DPH6: variants seen among roughly 807,000 people sequenced by gnomAD.
DPH6 encodes diphthine--ammonia ligase.
DPH6 carries 33 observed loss-of-function variants against 38.2 expected under a neutral mutation model. The ratio of observed to expected loss-of-function variants is 0.86; its 90% CI spans 0.65 to 1.15. The LOEUF (loss-of-function observed/expected upper bound fraction) is 1.15, where lower values mean the gene tolerates loss of function less well. Ranked by LOEUF, DPH6 falls within the 50% of genes most tolerant of loss-of-function variation. DPH6 has a pLI of 0.00. For missense variants in DPH6, 325 were observed against 320.0 expected (o/e 1.02, Z -0.12); for synonymous variants, 108 against 103.0 (o/e 1.05, Z -0.30).
chr15:35,150,463 C>A, the DPH6 span, among the ~76,000 whole-genome samples: 1 of 152,138 alleles, frequency 6.6e-6, no homozygotes, highest in African/African-American at 2.4e-5. Flanking sequence ...TAGTGATGTA[C>A]AGAACAACTC....
the DPH6 span, among the ~76,000 whole-genome samples, chr15:35,153,019 T>G: frequency 2.0e-5 from 3 of 152,220 alleles, no homozygotes; most frequent in African/African-American, 7.2e-5. Context: ...GGTCAGTTTT[T>G]GTATGAAGCA....
chr15:35,210,076 C>T, the DPH6 span, among the ~76,000 whole-genome samples: 1 of 152,134 alleles, frequency 6.6e-6, no homozygotes, highest in Non-Finnish European at 1.5e-5. Flanking sequence ...CAGGGTATGG[C>T]TTAAGGACAG....
At chr15:35,538,191 T>C in intron 3 of DPH6, 83 bp downstream of exon 3, 1 of 1,243,208 alleles carries the variant, frequency 8.0e-7, no homozygotes, top group Non-Finnish European at 1.1e-6. Context: ...AATTGCAAAT[T>C]ACGGATTACT....
rs61019026 is a variant in DPH6 at position 35,495,082 on chromosome 15, A to G, written c.313-40262T>C. 3.1e-3 allele frequency among the ~76,000 whole-genome samples: 468 copies of G among 152,270 alleles called. 3 individuals carry two copies. In the East Asian group the frequency reaches 0.034, roughly 11 times the overall value. ...TTGTATTCCTATATGTCACCAATAT[A>G]ATTTGATAGTATTATGTTACAGGTT... On this transcript the variant is annotated intron_variant, in intron 3 of 8. Transcript: ENST00000256538.
intron 3 of DPH6, chr15:35,299,431 A>T (rs928444285): frequency 1.3e-6 from 1 of 782,934 alleles, no homozygotes; most frequent in Admixed American, 1.7e-5. Context: ...CTCTGATCGT[A>T]CAGGGACATC....
At chr15:35,237,209 G>C (rs79622346) in intron 3 of DPH6, 2 of 848,548 alleles carry the variant, frequency 2.4e-6, no homozygotes, top group Non-Finnish European at 3.9e-6. Flanking sequence ...GTGTGCCGGG[G>C]GTGCTGGGGG....
chr15:35,328,623 A>G (rs2052303684), downstream of DPH6, among the ~76,000 whole-genome samples: 1 of 152,220 alleles, frequency 6.6e-6, no homozygotes, highest in South Asian at 2.1e-4. Flanking sequence ...TTATCCAAAA[A>G]GATAATGTGA....
At chr15:35,473,533 C>T (rs1163976506) in intron 3 of DPH6, among the ~76,000 whole-genome samples, 2 of 152,070 alleles carry the variant, frequency 1.3e-5, no homozygotes, top group African/African-American at 4.8e-5. Flanking sequence ...AAAAATCAGA[C>T]TGTCTTTTTC....
chr15:35,420,260 GAACAC>G lies in DPH6; in HGVS notation c.506-9369_506-9365del, dbSNP rs775539038. ...AAACATCTTGAGACAAAAAAAATGCGAACACAATATCCCAAAATTTATGGGATGCA... is the reference window on the plus strand; with the variant it reads ...AAACATCTTGAGACAAAAAAAATGCGAATATCCCAAAATTTATGGGATGCA... On this transcript the variant is annotated intron_variant, in intron 5 of 8. Coordinates refer to ENST00000256538, the MANE Select transcript of DPH6 (RefSeq NM_080650.4). Among the ~76,000 whole-genome samples, 10 of 152,036 alleles carry G rather than the reference GAACAC, an allele frequency of 6.6e-5. No homozygotes were observed. In the East Asian group the frequency reaches 1.5e-3, roughly 24 times the overall value.
chr15:35,318,870 T>C (rs961344538), intron 3 of DPH6, among the ~76,000 whole-genome samples: 6 of 152,178 alleles, frequency 3.9e-5, no homozygotes, highest in African/African-American at 9.6e-5. Flanking sequence ...GATTTTTACA[T>C]AGGATTGTAA....
chr15:35,530,299 T>C (rs955441383), intron 3 of DPH6, among the ~76,000 whole-genome samples: 2 of 151,746 alleles, frequency 1.3e-5, no homozygotes, highest in African/African-American at 4.8e-5. Context: ...AATGGTAGCA[T>C]AGGAAAAACA....
At chr15:35,190,071 A>C in the DPH6 span, among the ~76,000 whole-genome samples, 1 of 152,034 alleles carries the variant, frequency 6.6e-6, no homozygotes, top group East Asian at 1.9e-4. Flanking sequence ...TGCTGGAATA[A>C]AATTTCAGGG....
intron 3 of DPH6, among the ~76,000 whole-genome samples, chr15:35,231,919 G>C (rs2051520794): frequency 6.6e-6 from 1 of 152,108 alleles, no homozygotes; most frequent in African/African-American, 2.4e-5. Flanking sequence ...ACCACGGGTA[G>C]GCACCAAGCT....
chr15:35,190,033 C>G, the DPH6 span, among the ~76,000 whole-genome samples: 1 of 152,046 alleles, frequency 6.6e-6, no homozygotes, highest in African/African-American at 2.4e-5. Context: ...AGGGAAGATA[C>G]GGAAGGCAAT....
chr15:35,191,517 T>A, the DPH6 span, among the ~76,000 whole-genome samples: 1 of 152,186 alleles, frequency 6.6e-6, no homozygotes. Flanking sequence ...TCAGGATGAC[T>A]AAGAGGCAGA....
At chr15:35,193,949 G>A in the DPH6 span, among the ~76,000 whole-genome samples, 1 of 152,146 alleles carries the variant, frequency 6.6e-6, no homozygotes, top group African/African-American at 2.4e-5. Context: ...AAAATGGTAT[G>A]CCACAGTGCT....
the DPH6 span, among the ~76,000 whole-genome samples, chr15:35,171,211 G>A: frequency 1.3e-5 from 2 of 152,134 alleles, no homozygotes; most frequent in Admixed American, 1.3e-4. Context: ...CTTTTAAATG[G>A]TTCGTCTGCC....
intron 3 of DPH6, chr15:35,299,095 T>C: frequency 1.2e-6 from 1 of 824,136 alleles, no homozygotes; most frequent in Non-Finnish European, 2.0e-6. Context: ...GTCTTTGTCC[T>C]TCCTCTCTGG....
intron 3 of DPH6, among the ~76,000 whole-genome samples, chr15:35,338,518 A>C (rs1045650320): frequency 5.3e-5 from 8 of 152,230 alleles, no homozygotes; most frequent in Non-Finnish European, 1.2e-4. Flanking sequence ...CAATCATTAA[A>C]AAGTCAGGAA....
Sources: allele counts gnomAD v4.1 joint callset (sites outside exome capture counted in the v4.1 genomes callset), GRCh38; gene constraint gnomAD v4.1.1; transcripts MANE v1.5; gene names NCBI Gene and HGNC (gene_info 2026-07-23, HGNC 2026-07-21).